The following RPRD1B variants were observed in gnomAD, a reference collection of about 807,000 sequenced individuals.
RPRD1B encodes the protein regulation of nuclear pre-mRNA domain containing 1B.
A neutral mutation model predicts 41.5 loss-of-function variants in RPRD1B; 11 were observed. The ratio of observed to expected loss-of-function variants is 0.27; its 90% confidence interval spans 0.17 to 0.44. The LOEUF (loss-of-function observed/expected upper bound fraction) is 0.44, where lower values mean the gene tolerates loss of function less well. Ranked by LOEUF, RPRD1B falls within the 20% of genes least tolerant of loss-of-function variation. RPRD1B has a pLI of 1.00. For synonymous variants in RPRD1B, 158 were observed against 155.6 expected (o/e 1.02, Z -0.12); for missense variants, 248 against 389.9 (o/e 0.64, Z 3.06).
chr20:38,062,273 C>T (rs2074305502), intron 5 of RPRD1B, among the ~76,000 whole-genome samples: 1 of 152,106 alleles, frequency 6.6e-6, no homozygotes, highest in East Asian at 1.9e-4. Flanking sequence ...CCTCCTTGAC[C>T]TCTTCATATT....
intron 5 of RPRD1B, among the ~76,000 whole-genome samples, chr20:38,061,352 G>T (rs762003652): frequency 6.6e-6 from 1 of 151,986 alleles, no homozygotes; most frequent in African/African-American, 2.4e-5. Flanking sequence ...TTCCTTTCCC[G>T]AACCTGTGTA....
rs753777089 is a variant in RPRD1B at position 38,089,924 on chromosome 20, G to A, written c.*49G>A. The A allele has an allele frequency of 1.9e-6, 3 of 1,593,052 alleles. No homozygotes were observed. The highest frequency in any genetic ancestry group is 2.7e-5 in the African/African-American group (2 of 73,758). ...CTGTTTGTACCAGCAGAAAGAAGAG[G>A]GCAAGTCATGGTTGGAAATAACCTT... On this transcript the variant is annotated 3_prime_UTR_variant, in exon 7 of 7. Transcript: ENST00000373433.
chr20:38,048,081 G>C (rs543260979), intron 2 of RPRD1B, among the ~76,000 whole-genome samples: 39 of 152,270 alleles, frequency 2.6e-4, no homozygotes, highest in African/African-American at 8.7e-4. Flanking sequence ...ATAAGATGGA[G>C]TTTTGATAAT....
intron 1 of RPRD1B, among the ~76,000 whole-genome samples, chr20:38,039,374 A>G: frequency 6.6e-6 from 1 of 152,026 alleles, no homozygotes; most frequent in Non-Finnish European, 1.5e-5. Context: ...GTATCAGAGA[A>G]ATTCTCAGTT....
At chr20:38,035,769 T>G (rs941300369) in intron 1 of RPRD1B, among the ~76,000 whole-genome samples, 2 of 79,384 alleles carry the variant, frequency 2.5e-5, no homozygotes, top group African/African-American at 2.3e-4. Flanking sequence ...ATTTTTTTTG[T>G]TTTTTTTTTT....
chr20:38,052,996 C>A (rs992993974), intron 3 of RPRD1B, among the ~76,000 whole-genome samples: 6 of 151,922 alleles, frequency 3.9e-5, no homozygotes, highest in Admixed American at 3.9e-4. Context: ...TAGCTGAGTA[C>A]AAGGCCTGCT....
chr20:38,049,874 C>T, intron 3 of RPRD1B: 1 of 470,748 alleles, frequency 2.1e-6, no homozygotes, highest in Non-Finnish European at 4.4e-6. Flanking sequence ...GATTCTTCTC[C>T]TGCCACTTCC....
rs752254616 is a variant in RPRD1B, at chr20:38,040,461, C to A, written c.178C>A (p.Leu60Met). The A allele has an allele frequency of 6.3e-7, 1 of 1,594,998 alleles. No individual in the cohort carries two copies. Among genetic ancestry groups the A allele is most frequent in the South Asian group, 1.2e-5 (1 of 86,798 alleles). ...CAAATCAAATAGAAAGCTTACTTTTCTGTATTTAGCGAATGATGTCATCCA... is the reference window on the plus strand; with the variant it reads ...CAAATCAAATAGAAAGCTTACTTTTATGTATTTAGCGAATGATGTCATCCA... ...KAKSNRKLTF[L>M]YLANDVIQNS... The change falls in exon 2 of 7, where the codon CTG becomes ATG. Residue 60 changes from leucine to methionine, a missense_variant. Transcript: ENST00000373433.
Position 38,091,065 on chromosome 20 carries a change from A to G in RPRD1B, c.*1190A>G, listed in dbSNP as rs2074608083. 2 of 985,822 alleles carry G rather than the reference A, an allele frequency of 2.0e-6. No homozygotes were observed. The highest frequency in any genetic ancestry group is 9.4e-5 in the South Asian group (2 of 21,282). 61.1% of individuals were successfully genotyped at this position (985,822 alleles called of 1,614,324 possible). A position where few individuals can be genotyped will look rare whatever the true frequency, so the allele number is the denominator to read the frequency against. On this transcript the variant is annotated 3_prime_UTR_variant, in exon 7 of 7. Transcript: ENST00000373433. ...CATTATGACTATATAATGTAGTTAG[A>G]GACAATTTTTATCTTGCTTATAGTA...
At chr20:38,066,347 T>G (rs555740308) in intron 6 of RPRD1B, 91 bp downstream of exon 6, 1 of 1,157,872 alleles carries the variant, frequency 8.6e-7, no homozygotes, top group Non-Finnish European at 1.2e-6. Flanking sequence ...ATTAACAACA[T>G]TTTTATCGTT....
intron 2 of RPRD1B, among the ~76,000 whole-genome samples, chr20:38,041,480 AAAAGATGGTTTTTGTGGAT>A (rs1310716624): frequency 1.3e-5 from 2 of 152,240 alleles, no homozygotes; most frequent in African/African-American, 4.8e-5. Flanking sequence ...CTAGAGATGA[AAAAGATGGTTTTTGTGGAT>A]AAGTTACATA....
At chr20:38,037,648 A>T (rs2074016722) in intron 1 of RPRD1B, among the ~76,000 whole-genome samples, 1 of 152,224 alleles carries the variant, frequency 6.6e-6, no homozygotes, top group South Asian at 2.1e-4. Context: ...CATGGTGCTT[A>T]TGTTGACTGT....
intron 5 of RPRD1B, among the ~76,000 whole-genome samples, chr20:38,063,563 A>G (rs2074322791): frequency 6.6e-6 from 1 of 152,204 alleles, no homozygotes. Flanking sequence ...AAGGGGGAGC[A>G]GGGAAGCAGG....
intron 6 of RPRD1B, among the ~76,000 whole-genome samples, chr20:38,069,660 C>T (rs1343148215): frequency 6.6e-6 from 1 of 152,204 alleles, no homozygotes; most frequent in African/African-American, 2.4e-5. Context: ...CACTTCTCCC[C>T]TCAAAGGGCT....
At chr20:38,058,996 G>A (rs1025731123) in intron 4 of RPRD1B, among the ~76,000 whole-genome samples, 5 of 152,022 alleles carry the variant, frequency 3.3e-5, no homozygotes, top group African/African-American at 1.2e-4. Context: ...TTACAGGTGC[G>A]AGCCACCACA....
In RPRD1B at chr20:38,038,307, A is replaced by AT. The variant is rs557260550; in HGVS notation, c.152-2111dup. 6.1e-3 allele frequency among the ~76,000 whole-genome samples: 823 copies of AT among 134,884 alleles called. 6 individuals carry two copies. The highest frequency in any genetic ancestry group is 0.011 in the East Asian group (54 of 4,748). 88.5% of individuals were successfully genotyped at this position (134,884 alleles called of 152,430 possible). On this transcript the variant is annotated intron_variant, in intron 1 of 6. Coordinates refer to ENST00000373433, the MANE Select transcript of RPRD1B (RefSeq NM_021215.4). ...ACTTGGGTTACTCTCCTGTAGCTAC[A>AT]TTTTTTTTTTTTTTTTTGAGACGGA...
At chr20:38,052,375 A>G (rs972818112) in intron 3 of RPRD1B, among the ~76,000 whole-genome samples, 3 of 152,174 alleles carry the variant, frequency 2.0e-5, no homozygotes, top group African/African-American at 7.2e-5. Context: ...TTCTAGGCAC[A>G]ACTTCCCTGG....
chr20:38,081,344 G>C (rs1274262775), intron 6 of RPRD1B, among the ~76,000 whole-genome samples: 2 of 152,004 alleles, frequency 1.3e-5, no homozygotes, highest in Non-Finnish European at 2.9e-5. Context: ...GTTCTTGATT[G>C]GGCTGTCAGC....
chr20:38,086,561 C>T (rs1413221939), intron 6 of RPRD1B, among the ~76,000 whole-genome samples: 1 of 152,078 alleles, frequency 6.6e-6, no homozygotes, highest in Non-Finnish European at 1.5e-5. Context: ...TCTCGAACTC[C>T]TGGCCTCAAG....
Sources: allele counts gnomAD v4.1 joint callset (sites outside exome capture counted in the v4.1 genomes callset), GRCh38; gene constraint gnomAD v4.1.1; transcripts MANE v1.5; gene names NCBI Gene and HGNC (gene_info 2026-07-23, HGNC 2026-07-21).